MED27: variants seen among roughly 807,000 people sequenced by gnomAD.
MED27 encodes mediator complex subunit 27, also known as mediator of RNA polymerase II transcription subunit 27.
In MED27, 30 loss-of-function variants were observed where a neutral mutation model predicts 38.2. The observed-to-expected ratio is 0.79, with a 90% CI of 0.59 to 1.07. MED27 has a LOEUF of 1.07. Ranked by LOEUF, MED27 falls within the 50% of genes least tolerant of loss-of-function variation. MED27 has a pLI of 0.00. For synonymous variants in MED27, 122 were observed against 153.5 expected, an observed-to-expected ratio of 0.79 and a Z score of 1.52; for missense variants, 289 against 397.5, an observed-to-expected ratio of 0.73 and a Z score of 2.32.
rs141021943 is a variant in MED27, at chr9:131,873,753, C to T, written c.723+10305G>A. ...GCAGACATTGCTGCTCCATCTTGTC[C>T]GAAATCCCTGCTGACACTTTAGAGA... is the stretch of plus-strand genomic sequence containing the variant. On this transcript the variant is annotated intron_variant, in intron 6 of 7. Coordinates refer to ENST00000292035, the MANE Select transcript of MED27 (RefSeq NM_004269.4). Among the ~76,000 whole-genome samples the T allele has an allele frequency of 8.1e-4, 124 of 152,284 alleles. 3 individuals carry two copies. In the South Asian group the frequency reaches 0.013, roughly 17 times the overall value.
rs111727833 is a variant in MED27 at position 132,049,948 on chromosome 9, AT to A, written c.348+27493del. Among the ~76,000 whole-genome samples, 1,104 of 150,794 alleles carry A rather than the reference AT, an allele frequency of 7.3e-3. 23 individuals carry two copies. The highest frequency in any genetic ancestry group is 0.025 in the African/African-American group (1,026 of 41,162). ...GTTTTACACTATTTTAAGTTAAACTATTTTTTTTTTCCTCAAACCTAACACT... is the reference window on the plus strand; with the variant it reads ...GTTTTACACTATTTTAAGTTAAACTATTTTTTTTTCCTCAAACCTAACACT... On this transcript the variant is annotated intron_variant, in intron 2 of 7. Coordinates refer to ENST00000292035, the MANE Select transcript of MED27 (RefSeq NM_004269.4).
At chr9:131,942,197 C>G (rs1245412943) in intron 3 of MED27, among the ~76,000 whole-genome samples, 2 of 152,116 alleles carry the variant, frequency 1.3e-5, no homozygotes, top group Non-Finnish European at 2.9e-5. Context: ...CACACATCAT[C>G]TCCCGTGGTT....
At chr9:131,922,894 G>A (rs575242965) in intron 4 of MED27, among the ~76,000 whole-genome samples, 12 of 152,092 alleles carry the variant, frequency 7.9e-5, no homozygotes, top group Non-Finnish European at 1.6e-4. Flanking sequence ...GATTACAGGC[G>A]TGAACCACCG....
At position 131,905,224 on chromosome 9, in the gene MED27, G is replaced by A. The variant is rs886836258; in HGVS notation, c.574-11232C>T. ...CCTCCAATCCAAAAAGATTCTATGT[G>A]AATCAAGTGGGATACAGGTTACCTG... On this transcript the variant is annotated intron_variant, in intron 4 of 7. Coordinates refer to ENST00000292035, the MANE Select transcript of MED27 (RefSeq NM_004269.4). Among the ~76,000 whole-genome samples, 138 of 152,316 alleles carry A rather than the reference G, an allele frequency of 9.1e-4. 2 individuals are homozygous for A. The highest frequency in any genetic ancestry group is 3.3e-3 in the African/African-American group (136 of 41,574).
chr9:132,027,891 T>A (rs1173528336), intron 2 of MED27, among the ~76,000 whole-genome samples: 1 of 152,204 alleles, frequency 6.6e-6, no homozygotes, highest in African/African-American at 2.4e-5. Context: ...GCTGTGAACC[T>A]GTGCCAGGCC....
intron 2 of MED27, chr9:132,073,543 G>A: frequency 7.3e-7 from 1 of 1,361,218 alleles, no homozygotes; most frequent in Non-Finnish European, 9.4e-7. Flanking sequence ...GCGTTGCAAT[G>A]TAAAACGATT....
At chr9:131,954,566 G>C (rs2130989362) in intron 3 of MED27, among the ~76,000 whole-genome samples, 1 of 152,272 alleles carries the variant, frequency 6.6e-6, no homozygotes, top group East Asian at 1.9e-4. Flanking sequence ...AAGCTGAGAA[G>C]TCTTGTGGCA....
At chr9:132,072,089 T>A (rs967033477) in intron 2 of MED27, among the ~76,000 whole-genome samples, 1 of 152,186 alleles carries the variant, frequency 6.6e-6, no homozygotes, top group African/African-American at 2.4e-5. Context: ...TAAGTACACA[T>A]GCATATGAGT....
chr9:131,979,774 A>G (rs1323808087), intron 3 of MED27, among the ~76,000 whole-genome samples: 2 of 152,056 alleles, frequency 1.3e-5, no homozygotes, highest in Non-Finnish European at 2.9e-5. Flanking sequence ...CTTACCTTGG[A>G]TGGGTTCTGT....
chr9:132,042,795 T>C (rs1438884618), intron 2 of MED27, among the ~76,000 whole-genome samples: 1 of 152,208 alleles, frequency 6.6e-6, no homozygotes, highest in Non-Finnish European at 1.5e-5. Flanking sequence ...TCCCCAGCAT[T>C]TGACTTTTTG....
At chr9:131,990,833 C>T (rs1831956660) in intron 3 of MED27, among the ~76,000 whole-genome samples, 1 of 152,236 alleles carries the variant, frequency 6.6e-6, no homozygotes, top group African/African-American at 2.4e-5. Context: ...CTATGCAAAT[C>T]ACCAGGAACA....
intron 3 of MED27, among the ~76,000 whole-genome samples, chr9:131,961,613 T>C (rs1415836676): frequency 1.3e-5 from 2 of 152,186 alleles, no homozygotes; most frequent in Non-Finnish European, 2.9e-5. Context: ...GGCTGACCAT[T>C]GGCCTCTGTG....
At chr9:131,909,802 G>C (rs1830155142) in intron 4 of MED27, among the ~76,000 whole-genome samples, 1 of 152,184 alleles carries the variant, frequency 6.6e-6, no homozygotes, top group Admixed American at 6.5e-5. Context: ...TGAGAATGCA[G>C]CTCTCTGTGT....
intron 3 of MED27, among the ~76,000 whole-genome samples, chr9:131,986,606 T>C (rs372327289): frequency 2.6e-5 from 4 of 152,232 alleles, no homozygotes; most frequent in Admixed American, 2.0e-4. Flanking sequence ...TACCATGCTG[T>C]AGAGGTTTGT....
intron 3 of MED27, among the ~76,000 whole-genome samples, chr9:132,000,743 T>A (rs61602460): frequency 0.019 from 2,913 of 150,608 alleles, 43 homozygotes; most frequent in Non-Finnish European, 0.029. Flanking sequence ...AGTCAGATTT[T>A]AAAAAAAAAT....
intron 2 of MED27, among the ~76,000 whole-genome samples, chr9:132,018,238 T>C (rs932704814): frequency 6.6e-6 from 1 of 152,186 alleles, no homozygotes; most frequent in African/African-American, 2.4e-5. Flanking sequence ...TAACAAATCT[T>C]TTTCTGTTGG....
At position 131,872,060 on chromosome 9, in the gene MED27, C is replaced by T. The variant is rs1838845612; in HGVS notation, c.724-8920G>A. 6.6e-6 allele frequency among the ~76,000 whole-genome samples: 1 copy of T among 152,332 alleles called. No individual in the cohort carries two copies. The highest frequency in any genetic ancestry group is 2.1e-4 in the South Asian group (1 of 4,832). ...CCTGGGCCGGAGTGGAGGCTGGCGA[C>T]GCAGCATGCAGGTGAGGAACAGACG... is the stretch of plus-strand genomic sequence containing the variant. On this transcript the variant is annotated intron_variant, in intron 6 of 7. Transcript: ENST00000292035. This position sits in a 1 kb window ranked among gnomAD's most constrained non-coding sequence, Gnocchi z 5.6.
At chr9:131,970,648 GA>G (rs1831457096) in intron 3 of MED27, among the ~76,000 whole-genome samples, 1 of 152,226 alleles carries the variant, frequency 6.6e-6, no homozygotes, top group African/African-American at 2.4e-5. Flanking sequence ...GACGTTCTCA[GA>G]AGCGAGATGG....
chr9:131,962,051 A>G (rs891248777), intron 3 of MED27, among the ~76,000 whole-genome samples: 2 of 152,206 alleles, frequency 1.3e-5, no homozygotes, highest in African/African-American at 2.4e-5. Context: ...AAAGACTTCT[A>G]TCTAGTGGTA....
Sources: allele counts gnomAD v4.1 joint callset (sites outside exome capture counted in the v4.1 genomes callset), GRCh38; gene constraint gnomAD v4.1.1; non-coding constraint Gnocchi (gnomAD v3.1); transcripts MANE v1.5; gene names NCBI Gene and HGNC (gene_info 2026-07-23, HGNC 2026-07-21).